GPRIN3: variants seen among roughly 807,000 people sequenced by gnomAD.
GPRIN3 encodes the protein G protein-regulated inducer of neurite outgrowth 3.
In GPRIN3, 12 loss-of-function variants were observed where a neutral mutation model predicts 13.7. That is an observed-to-expected ratio of 0.87 (90% CI 0.56 to 1.42). The LOEUF is 1.42. Among genes scored for constraint, GPRIN3 ranks in the 40% most tolerant of loss-of-function variants. The probability of loss-of-function intolerance (pLI) is 0.00; values close to 1 mark genes in which losing one functional copy is unlikely to be tolerated. For synonymous variants in GPRIN3, 377 were observed against 372.7 expected (o/e 1.01, Z -0.13); for missense variants, 1,009 against 958.7 (o/e 1.05, Z -0.69).
intron 1 of GPRIN3, among the ~76,000 whole-genome samples, chr4:89,272,232 A>G (rs1431757981): frequency 6.6e-6 from 1 of 152,202 alleles, no homozygotes; most frequent in Non-Finnish European, 1.5e-5. Context: ...TGGGGCCTGT[A>G]TCTTAGCGGG....
At chr4:89,272,102 G>A (rs1723968912) in intron 1 of GPRIN3, among the ~76,000 whole-genome samples, 1 of 152,160 alleles carries the variant, frequency 6.6e-6, no homozygotes. Flanking sequence ...CCAGCCTCCA[G>A]AAATAAATTT....
chr4:89,257,150 A>G (rs1723489335), intron 1 of GPRIN3, among the ~76,000 whole-genome samples: 1 of 152,376 alleles, frequency 6.6e-6, no homozygotes, highest in Non-Finnish European at 1.5e-5. Flanking sequence ...AGAGAAAGGA[A>G]GACTGCTTTG....
chr4:89,248,463 C>G lies in GPRIN3; in HGVS notation c.1648G>C (p.Glu550Gln), dbSNP rs749006929. 2 of 1,612,978 alleles carry G rather than the reference C, an allele frequency of 1.2e-6. No individual in the cohort carries two copies. Among genetic ancestry groups the G allele is most frequent in the Non-Finnish European group, 1.7e-6 (2 of 1,179,596 alleles). The stretch of plus-strand genomic sequence containing the variant: ...TCCGAGGTATCAGTGCCAGTAGACT[C>G]TTTTTCTTTTACTACCTGAGGAGAT... ...PASPQVVKEK[E>Q]STGTDTSDAK... Residue 550 changes from glutamate (E) to glutamine (Q), a missense_variant, in exon 2 of 2, where the codon GAG becomes CAG. By Grantham distance (29) the Glu-to-Gln change is conservative. Transcript: ENST00000609438.
Position 89,247,987 on chromosome 4 carries a change from C to G in GPRIN3, c.2124G>C (p.Ala708=), listed in dbSNP as rs1167986544. 5.0e-6 allele frequency: 8 copies of G among 1,614,106 alleles called. No homozygotes were observed. In the East Asian group the frequency reaches 1.6e-4, roughly 31 times the overall value. ...ASLDAESLGI[A]IQNHLQRQIR... ...TTTGTCTTTGCAAATGGTTCTGGAT[C>G]GCGATTCCCAGGGACTCTGCGTCCA... is the stretch of plus-strand genomic sequence containing the variant. The change falls in exon 2 of 2, where the codon GCG becomes GCC. Residue 708 remains alanine (A), a synonymous_variant. Coordinates refer to ENST00000609438, the MANE Select transcript of GPRIN3 (RefSeq NM_198281.3).
intron 1 of GPRIN3, among the ~76,000 whole-genome samples, chr4:89,253,029 A>AC (rs1476476045): frequency 6.6e-6 from 1 of 151,814 alleles, no homozygotes; most frequent in Non-Finnish European, 1.5e-5. Context: ...AAAAAAAAAA[A>AC]AAACAACTCC....
intron 1 of GPRIN3, among the ~76,000 whole-genome samples, chr4:89,287,757 C>T (rs1299994570): frequency 1.3e-5 from 2 of 152,138 alleles, no homozygotes; most frequent in Admixed American, 1.3e-4. Context: ...ACATGAATGA[C>T]TCCACTAAAT....
rs1236689713 is a variant in GPRIN3, at chr4:89,244,310, T to G, written c.*3470A>C. ...GTTCAATTTATTTCAATTTTTATGT[T>G]TAACTTTATAACATGGTGAACACTG... On this transcript the variant is annotated 3_prime_UTR_variant, in exon 2 of 2. Transcript: ENST00000609438. 2 of 152,188 alleles carry G rather than the reference T, an allele frequency of 1.3e-5. No individual in the cohort carries two copies. The highest frequency in any genetic ancestry group is 4.8e-5 in the African/African-American group (2 of 41,442). 9.4% of individuals were successfully genotyped at this position (152,188 alleles called of 1,614,324 possible). A position where few individuals can be genotyped will look rare whatever the true frequency, so the allele number is the denominator to read the frequency against.
intron 1 of GPRIN3, among the ~76,000 whole-genome samples, chr4:89,255,968 A>C (rs574359606): frequency 3.9e-4 from 60 of 152,302 alleles, no homozygotes; most frequent in South Asian, 2.9e-3. Context: ...TATCCTTAAA[A>C]TCGTGAGCAG....
At position 89,294,650 on chromosome 4, in the gene GPRIN3, A is replaced by C. The variant is rs76003016; in HGVS notation, c.-124+12965T>G. 4.8e-3 allele frequency among the ~76,000 whole-genome samples: 725 copies of C among 152,298 alleles called. 3 individuals carry two copies. The highest frequency in any genetic ancestry group is 0.017 in the African/African-American group (690 of 41,558). The stretch of plus-strand genomic sequence containing the variant: ...ACATTTCAGCTTCCTGTTTTTTACA[A>C]AAAAGAAAAGAGCAGCAGGGTATGA... On this transcript the variant is annotated intron_variant, in intron 1 of 1. Transcript: ENST00000609438.
chr4:89,251,440 C>T (rs1723322459), intron 1 of GPRIN3, among the ~76,000 whole-genome samples: 1 of 152,074 alleles, frequency 6.6e-6, no homozygotes, highest in African/African-American at 2.4e-5. Flanking sequence ...TACACATTTC[C>T]TTGACTCAAT....
rs988542183 is a variant in GPRIN3, at chr4:89,246,523, A to C, written c.*1257T>G. ...CCAGGAAGTATAATCCACCCAAATC[A>C]CAAGCCATGTTTTCGTAAAGGCCTC... On this transcript the variant is annotated 3_prime_UTR_variant, in exon 2 of 2. Transcript: ENST00000609438. 1 of 152,106 alleles carries C rather than the reference A, an allele frequency of 6.6e-6. No homozygotes were observed. The highest frequency in any genetic ancestry group is 1.5e-5 in the Non-Finnish European group (1 of 68,026). The allele number at this position is 152,106 out of a possible 1,614,324, so 9.4% of individuals were successfully genotyped here. A position where few individuals can be genotyped will look rare whatever the true frequency, so the allele number is the denominator to read the frequency against.
In GPRIN3 at chr4:89,303,077, T is replaced by C. The variant is rs115937606; in HGVS notation, c.-124+4538A>G. On this transcript the variant is annotated intron_variant, in intron 1 of 1. Transcript: ENST00000609438. ...AAATGTTCAGGAACACAAGTAAAGGTTTTCTTCTCTAACTTTGTCTCTTCA... is the reference window on the plus strand; with the variant it reads ...AAATGTTCAGGAACACAAGTAAAGGCTTTCTTCTCTAACTTTGTCTCTTCA... Among the ~76,000 whole-genome samples the C allele has an allele frequency of 9.8e-3, 1,477 of 150,466 alleles. 25 individuals are homozygous for C. The highest frequency in any genetic ancestry group is 0.034 in the African/African-American group (1,409 of 40,942).
intron 1 of GPRIN3, among the ~76,000 whole-genome samples, chr4:89,267,767 T>A (rs1202794631): frequency 6.6e-6 from 1 of 152,188 alleles, no homozygotes; most frequent in Non-Finnish European, 1.5e-5. Context: ...CTTTAAATGA[T>A]AGGGAAGATT....
At position 89,248,304 on chromosome 4, in the gene GPRIN3, T is replaced by C. The variant is rs1327199127; in HGVS notation, c.1807A>G (p.Thr603Ala). Residue 603 changes from threonine (T) to alanine (A), a missense_variant, in exon 2 of 2, where the codon ACC becomes GCC. Thr to Ala is a moderately conservative substitution (Grantham distance 58). Transcript: ENST00000609438. ...GGATCAGATGGCAGGCTCAGGCTGG[T>C]GGCTGTCTTGGTCTGTCTGTTTTCT... ...LEENRQTKTA[T>A]SLSLPSDPMG... 2 of 1,614,168 alleles carry C rather than the reference T, an allele frequency of 1.2e-6. No homozygotes were observed. The highest frequency in any genetic ancestry group is 2.2e-5 in the East Asian group (1 of 44,874).
intron 1 of GPRIN3, among the ~76,000 whole-genome samples, chr4:89,263,736 C>T (rs977381026): frequency 2.4e-4 from 37 of 152,102 alleles, no homozygotes; most frequent in African/African-American, 8.2e-4. Flanking sequence ...TGAAAACAAG[C>T]TTCAAAAAAG....
In GPRIN3 at chr4:89,242,789, ATT is replaced by A. The variant is rs1475109033; in HGVS notation, c.*4989_*4990del. ...TATTCTCATTATTAGTATCTGAGAT[ATT>A]TGTGTCTTAAAAAAACTTGCAAATA... is the stretch of plus-strand genomic sequence containing the variant. On this transcript the variant is annotated 3_prime_UTR_variant, in exon 2 of 2. Coordinates refer to ENST00000609438, the MANE Select transcript of GPRIN3 (RefSeq NM_198281.3). The A allele has an allele frequency of 6.6e-6, 1 of 152,186 alleles. No homozygotes were observed. Among genetic ancestry groups the A allele is most frequent in the East Asian group, 1.9e-4 (1 of 5,202 alleles). 9.4% of individuals were successfully genotyped at this position (152,186 alleles called of 1,614,324 possible).
chr4:89,264,753 G>T (rs1039813423), intron 1 of GPRIN3, among the ~76,000 whole-genome samples: 2 of 152,182 alleles, frequency 1.3e-5, no homozygotes, highest in East Asian at 1.9e-4. Flanking sequence ...TTGTTAAACT[G>T]CAAGTCCATT....
At chr4:89,251,476 G>A (rs1723323749) in intron 1 of GPRIN3, among the ~76,000 whole-genome samples, 1 of 152,098 alleles carries the variant, frequency 6.6e-6, no homozygotes, top group East Asian at 1.9e-4. Flanking sequence ...AACAGAAATA[G>A]AAACACCAAC....
At chr4:89,257,305 A>T (rs193227262) in intron 1 of GPRIN3, among the ~76,000 whole-genome samples, 1 of 152,340 alleles carries the variant, frequency 6.6e-6, no homozygotes, top group Admixed American at 6.5e-5. Context: ...ATGGCCTGTT[A>T]TCTTACTGAA....
Sources: gnomAD v4.1 joint callset for allele counts (sites outside exome capture counted in the v4.1 genomes callset) on GRCh38, gnomAD v4.1.1 for gene constraint, MANE v1.5 for transcripts, NCBI Gene and HGNC (gene_info 2026-07-23, HGNC 2026-07-21) for gene names.